SLC25A13: variants seen among roughly 807,000 people sequenced by gnomAD.
The protein encoded by SLC25A13 is solute carrier family 25 member 13, also known as electrogenic aspartate/glutamate antiporter SLC25A13, mitochondrial.
SLC25A13 carries 70 observed loss-of-function variants against 85.5 expected under a neutral mutation model. That is an observed-to-expected ratio of 0.82 (90% confidence interval 0.68 to 1.00). The LOEUF (loss-of-function observed/expected upper bound fraction) is 1.00. Ranked by LOEUF, SLC25A13 falls within the 50% of genes least tolerant of loss-of-function variation. The pLI is 0.00. For synonymous variants in SLC25A13, 259 were observed against 288.7 expected (o/e 0.90, Z 1.04); for missense variants, 765 against 819.8 (o/e 0.93, Z 0.82).
intron 2 of SLC25A13, among the ~76,000 whole-genome samples, chr7:96,291,680 G>C (rs1193725934): frequency 6.6e-6 from 1 of 152,186 alleles, no homozygotes; most frequent in Non-Finnish European, 1.5e-5. Context: ...AAATCTAGAA[G>C]AAATGGATAA....
chr7:96,178,477 GA>G (rs1201614868), intron 11 of SLC25A13, among the ~76,000 whole-genome samples: 1 of 152,068 alleles, frequency 6.6e-6, no homozygotes, highest in Non-Finnish European at 1.5e-5. Flanking sequence ...ACTTTGGAAG[GA>G]AAAATTAATC....
At chr7:96,274,861 G>A (rs1044400735) in intron 3 of SLC25A13, among the ~76,000 whole-genome samples, 1 of 152,044 alleles carries the variant, frequency 6.6e-6, no homozygotes, top group African/African-American at 2.4e-5. Context: ...CTGTTCCATT[G>A]GTCTATATCT....
chr7:96,209,353 TACACAC>T (rs59571646), intron 4 of SLC25A13, among the ~76,000 whole-genome samples: 30 of 145,544 alleles, frequency 2.1e-4, no homozygotes, highest in Non-Finnish European at 3.0e-4. Context: ...GGAAAACACA[TACACAC>T]ACACACACAC....
In SLC25A13 at chr7:96,120,989, AAAT is replaced by A. The variant is rs1791474236; in HGVS notation, c.*199_*201del. On this transcript the variant is annotated 3_prime_UTR_variant, in exon 18 of 18. Coordinates refer to ENST00000265631, the MANE Select transcript of SLC25A13 (RefSeq NM_014251.3). ...AACAAAGGTTTCTGGGCAGAGGGCC[AAAT>A]AATAATTATGAATAATTTCACAATG... 1 of 724,788 alleles carries A rather than the reference AAAT, an allele frequency of 1.4e-6. No individual in the cohort carries two copies. 44.9% of individuals were successfully genotyped at this position (724,788 alleles called of 1,614,324 possible).
intron 3 of SLC25A13, among the ~76,000 whole-genome samples, chr7:96,249,098 G>A (rs1797315069): frequency 6.6e-6 from 1 of 152,150 alleles, no homozygotes; most frequent in Admixed American, 6.5e-5. Flanking sequence ...TTGAGCCCAG[G>A]AGTTTGAGAC....
intron 1 of SLC25A13, among the ~76,000 whole-genome samples, chr7:96,309,282 T>C (rs1295480940): frequency 1.3e-5 from 2 of 152,194 alleles, no homozygotes; most frequent in Admixed American, 6.5e-5. Context: ...GCTTTTTTAA[T>C]CACAAGGGAG....
intron 3 of SLC25A13, among the ~76,000 whole-genome samples, chr7:96,248,308 T>C (rs887584888): frequency 2.0e-5 from 3 of 152,078 alleles, no homozygotes; most frequent in African/African-American, 4.8e-5. Flanking sequence ...ACTCCTAGTA[T>C]AGGAGAAGGG....
chr7:96,251,574 C>A (rs534257909), intron 3 of SLC25A13, among the ~76,000 whole-genome samples: 1 of 152,188 alleles, frequency 6.6e-6, no homozygotes, highest in Non-Finnish European at 1.5e-5. Context: ...TGCAGGGTCA[C>A]ATCATTGGGT....
intron 3 of SLC25A13, among the ~76,000 whole-genome samples, chr7:96,243,089 T>G (rs544401267): frequency 7.5e-4 from 114 of 152,252 alleles, no homozygotes; most frequent in African/African-American, 2.6e-3. Flanking sequence ...CTCAGCCTCC[T>G]GAGAAGCTGG....
chr7:96,293,429 G>A (rs1010029288), intron 2 of SLC25A13, among the ~76,000 whole-genome samples: 1 of 152,184 alleles, frequency 6.6e-6, no homozygotes, highest in South Asian at 2.1e-4. Context: ...ATTGACAAAT[G>A]GGATCTAATC....
At chr7:96,168,962 T>C (rs570457272) in intron 13 of SLC25A13, among the ~76,000 whole-genome samples, 19 of 152,316 alleles carry the variant, frequency 1.2e-4, no homozygotes, top group African/African-American at 4.6e-4. Flanking sequence ...GTGCCCTTTA[T>C]ATTTAGGACA....
intron 5 of SLC25A13, among the ~76,000 whole-genome samples, chr7:96,194,465 A>AAAAAAAAAAAAAAAAAAAC (rs1794985172): frequency 6.9e-6 from 1 of 145,762 alleles, no homozygotes. Context: ...AAAAAAAAAA[A>AAAAAAAAAAAAAAAAAAAC]AAGGAACACC....
chr7:96,260,289 C>G (rs922053067), intron 3 of SLC25A13, among the ~76,000 whole-genome samples: 7 of 151,754 alleles, frequency 4.6e-5, no homozygotes, highest in Non-Finnish European at 1.0e-4. Flanking sequence ...CCTATTTTGC[C>G]AGAAACAAGG....
intron 13 of SLC25A13, among the ~76,000 whole-genome samples, chr7:96,169,685 C>T (rs1282664041): frequency 3.3e-5 from 5 of 152,130 alleles, no homozygotes; most frequent in Admixed American, 2.6e-4. Context: ...AGTTTTAGTG[C>T]CTGACCCAGC....
chr7:96,264,945 G>A (rs1460602144), intron 3 of SLC25A13, among the ~76,000 whole-genome samples: 1 of 152,196 alleles, frequency 6.6e-6, no homozygotes, highest in African/African-American at 2.4e-5. Context: ...GAAAACAGCT[G>A]CATTCAATCT....
intron 1 of SLC25A13, among the ~76,000 whole-genome samples, chr7:96,314,118 A>G (rs1800046105): frequency 6.6e-6 from 1 of 152,084 alleles, no homozygotes; most frequent in Admixed American, 6.6e-5. Context: ...AGGAGGAGGA[A>G]GAAGGAGGAA....
chr7:96,273,247 C>T (rs1798313328), intron 3 of SLC25A13, among the ~76,000 whole-genome samples: 1 of 152,046 alleles, frequency 6.6e-6, no homozygotes, highest in Non-Finnish European at 1.5e-5. Context: ...TCACGAAAAA[C>T]AATATAATAT....
Position 96,121,823 on chromosome 7 carries a change from C to T in SLC25A13, c.1750+16G>A. On this transcript the variant is annotated intron_variant, in intron 16 of 17. Coordinates refer to ENST00000265631, the MANE Select transcript of SLC25A13 (RefSeq NM_014251.3). ...CTGATACCAAAGAGTTAGTTAAGAACACATTATTTCCATACCACCAGCTCC... is the reference window on the plus strand; with the variant it reads ...CTGATACCAAAGAGTTAGTTAAGAATACATTATTTCCATACCACCAGCTCC... 1.9e-6 allele frequency: 3 copies of T among 1,614,144 alleles called. No homozygotes were observed. The highest frequency in any genetic ancestry group is 8.5e-7 in the Non-Finnish European group (1 of 1,180,020).
At chr7:96,223,382 AGC>A (rs2116770145) in intron 4 of SLC25A13, among the ~76,000 whole-genome samples, 1 of 152,380 alleles carries the variant, frequency 6.6e-6, no homozygotes, top group East Asian at 1.9e-4. Flanking sequence ...AACATGTAAT[AGC>A]ATAATGCAAG....
Sources: allele counts gnomAD v4.1 joint callset (sites outside exome capture counted in the v4.1 genomes callset), GRCh38; gene constraint gnomAD v4.1.1; transcripts MANE v1.5; gene names NCBI Gene and HGNC (gene_info 2026-07-23, HGNC 2026-07-21).